Variants in ATP8A1 observed in about 807,000 individuals in gnomAD.
The protein encoded by ATP8A1 is ATPase phospholipid transporting 8A1.
In ATP8A1, 90 loss-of-function variants were observed where a neutral mutation model predicts 177.7. That is an observed-to-expected ratio of 0.51 (90% confidence interval 0.43 to 0.60). ATP8A1 has a LOEUF of 0.60. Ranked by LOEUF, ATP8A1 falls within the 20% of genes least tolerant of loss-of-function variation. The pLI, the probability that ATP8A1 is intolerant of heterozygous loss-of-function variation, is 0.00. For synonymous variants in ATP8A1, 493 were observed against 485.9 expected (o/e 1.01, Z -0.19); for missense variants, 1,072 against 1,392.8 (o/e 0.77, Z 3.67).
intron 33 of ATP8A1, among the ~76,000 whole-genome samples, chr4:42,425,445 G>A (rs991370288): frequency 6.6e-6 from 1 of 152,048 alleles, no homozygotes; most frequent in South Asian, 2.1e-4. Flanking sequence ...GTTTTTCTGC[G>A]TCATATCTGA....
At chr4:42,554,380 T>G (rs183063980) in intron 16 of ATP8A1, among the ~76,000 whole-genome samples, 1 of 152,266 alleles carries the variant, frequency 6.6e-6, no homozygotes, top group Admixed American at 6.5e-5. Flanking sequence ...CTCTAATTCC[T>G]AAGAAGAGTC....
rs142408361 is a variant in ATP8A1 at position 42,424,777 on chromosome 4, G to A, written c.3124-1072C>T. Reference sequence around the variant, plus strand: ...TTTTCTGCATTGACATGAGCTTATCGATACAGACCGCAGGTTCAGGGACGC... The same window carrying A: ...TTTTCTGCATTGACATGAGCTTATCAATACAGACCGCAGGTTCAGGGACGC... On this transcript the variant is annotated intron_variant, in intron 33 of 36. Coordinates refer to ENST00000381668, the MANE Select transcript of ATP8A1 (RefSeq NM_006095.2). Among the ~76,000 whole-genome samples the A allele has an allele frequency of 9.9e-5, 15 of 152,266 alleles. No individual in the cohort carries two copies. In the South Asian group the frequency reaches 2.9e-3, roughly 29 times the overall value.
chr4:42,465,224 A>C (rs527619970), intron 25 of ATP8A1, 148 bp from the exon 26 acceptor site: 28 of 719,954 alleles, frequency 3.9e-5, no homozygotes, highest in Non-Finnish European at 5.6e-5. Flanking sequence ...GCAAATGTTT[A>C]CTCATCTGTT....
At chr4:42,595,053 G>T (rs1406664795) in intron 6 of ATP8A1, among the ~76,000 whole-genome samples, 1 of 152,066 alleles carries the variant, frequency 6.6e-6, no homozygotes, top group African/African-American at 2.4e-5. Context: ...CATAGCTTTT[G>T]GCAAACAACA....
chr4:42,535,072 C>G (rs1006008957), intron 20 of ATP8A1, among the ~76,000 whole-genome samples: 16 of 151,882 alleles, frequency 1.1e-4, no homozygotes, highest in Non-Finnish European at 1.5e-4. Context: ...ATAAATCTCA[C>G]AGGACCTGTA....
intron 6 of ATP8A1, among the ~76,000 whole-genome samples, chr4:42,598,229 C>T (rs1016633526): frequency 1.1e-4 from 16 of 152,090 alleles, no homozygotes; most frequent in African/African-American, 3.6e-4. Context: ...TAGGTTGTGA[C>T]TTAGATATAA....
rs188191856 is a variant in ATP8A1, at chr4:42,571,765, G to A, written c.1296-2560C>T. Among the ~76,000 whole-genome samples, 41 of 152,164 alleles carry A rather than the reference G, an allele frequency of 2.7e-4. No homozygotes were observed. In the East Asian group the frequency reaches 7.1e-3, roughly 26 times the overall value. On this transcript the variant is annotated intron_variant, in intron 14 of 36. Transcript: ENST00000381668. ...TCTAATGAAATAATCTAATAATTTT[G>A]CAGTGCATTCCTAACTAAAAGTTGA...
At chr4:42,512,391 C>T (rs1725095447) in intron 22 of ATP8A1, among the ~76,000 whole-genome samples, 1 of 152,186 alleles carries the variant, frequency 6.6e-6, no homozygotes, top group African/African-American at 2.4e-5. Flanking sequence ...CCTATTCCTA[C>T]CTGCAGGCCT....
rs376961531 is a variant in ATP8A1, at chr4:42,455,476, T to C, written c.2694+49A>G. 7 of 1,613,440 alleles carry C rather than the reference T, an allele frequency of 4.3e-6. No individual in the cohort carries two copies. The African/African-American group carries it at 8.0e-5, about 18-fold the overall frequency. On this transcript the variant is annotated intron_variant, in intron 28 of 36. Coordinates refer to ENST00000381668, the MANE Select transcript of ATP8A1 (RefSeq NM_006095.2). ...CAGCCAAATGCAGGGTGAACCTTTA[T>C]CTCCCAAGTATTCAATGAAACAGGA...
At chr4:42,414,247 A>G (rs148978289) in intron 36 of ATP8A1, among the ~76,000 whole-genome samples, 83 of 152,336 alleles carry the variant, frequency 5.4e-4, no homozygotes, top group African/African-American at 1.8e-3. Context: ...TCTGAAGGGG[A>G]AAATATATGC....
intron 22 of ATP8A1, among the ~76,000 whole-genome samples, chr4:42,512,058 T>G (rs1269374391): frequency 2.0e-5 from 3 of 152,168 alleles, no homozygotes; most frequent in Non-Finnish European, 4.4e-5. Flanking sequence ...AACCAGCATT[T>G]CACGGATAGA....
At chr4:42,472,145 T>A (rs1177888928) in intron 25 of ATP8A1, 2 of 642,054 alleles carry the variant, frequency 3.1e-6, no homozygotes, top group East Asian at 6.4e-5. Context: ...ATACAAAAAA[T>A]AAGCAAAAAC....
chr4:42,558,067 A>C (rs543521264), intron 15 of ATP8A1, among the ~76,000 whole-genome samples: 1 of 148,664 alleles, frequency 6.7e-6, no homozygotes, highest in Non-Finnish European at 1.5e-5. Flanking sequence ...AAAACAAAAA[A>C]ACCAGAAACA....
In ATP8A1 at chr4:42,412,686, T is replaced by C. The variant is rs1363256898; in HGVS notation, c.*230A>G. On this transcript the variant is annotated 3_prime_UTR_variant, in exon 37 of 37. Transcript: ENST00000381668. ...TACCAGGTCATTTTCAATTTCCGTT[T>C]ACAAAGACTTAGCAAATACCTTAAA... 1 of 395,296 alleles carries C rather than the reference T, an allele frequency of 2.5e-6. No homozygotes were observed. Among genetic ancestry groups the C allele is most frequent in the East Asian group, 4.1e-5 (1 of 24,168 alleles). 24.5% of individuals were successfully genotyped at this position (395,296 alleles called of 1,614,324 possible).
intron 25 of ATP8A1, among the ~76,000 whole-genome samples, chr4:42,482,760 T>C (rs955106280): frequency 3.3e-5 from 5 of 152,164 alleles, no homozygotes; most frequent in African/African-American, 4.8e-5. Flanking sequence ...TTATCTGTTA[T>C]AGGAAGGCTT....
intron 24 of ATP8A1, among the ~76,000 whole-genome samples, chr4:42,502,391 T>C (rs1377155417): frequency 6.6e-6 from 1 of 152,214 alleles, no homozygotes; most frequent in East Asian, 1.9e-4. Context: ...CTTCTCTTTC[T>C]TGAGATTACT....
rs559621671 is a variant in ATP8A1 at position 42,623,769 on chromosome 4, C to T, written c.363+767G>A. Among the ~76,000 whole-genome samples the T allele has an allele frequency of 3.3e-5, 5 of 152,142 alleles. No homozygotes were observed. The South Asian group carries it at 1.0e-3, about 32-fold the overall frequency. Reference sequence around the variant, plus strand: ...TAACTAATAGATGCTCGGTTTAATGCCTGGGTGATGAAATAATCTGTACAA... The same window carrying T: ...TAACTAATAGATGCTCGGTTTAATGTCTGGGTGATGAAATAATCTGTACAA... On this transcript the variant is annotated intron_variant, in intron 4 of 36. Transcript: ENST00000381668.
intron 20 of ATP8A1, among the ~76,000 whole-genome samples, chr4:42,539,742 C>A (rs1176689611): frequency 6.6e-6 from 1 of 152,018 alleles, no homozygotes; most frequent in East Asian, 1.9e-4. Context: ...AAAAACCCAT[C>A]CTAAATAAGG....
chr4:42,522,375 A>T (rs1726223546), intron 21 of ATP8A1, 76 bp from the exon 22 acceptor site: 2 of 1,540,970 alleles, frequency 1.3e-6, no homozygotes, highest in Non-Finnish European at 1.7e-6. Flanking sequence ...TTTTTATTTC[A>T]CAAAGTCCCA....
Sources: allele counts gnomAD v4.1 joint callset (sites outside exome capture counted in the v4.1 genomes callset), GRCh38; gene constraint gnomAD v4.1.1; transcripts MANE v1.5; gene names NCBI Gene and HGNC (gene_info 2026-07-23, HGNC 2026-07-21).